KSR2: variants seen among roughly 807,000 people sequenced by gnomAD.
KSR2 encodes the protein kinase suppressor of ras 2.
KSR2 carries 25 observed loss-of-function variants against 107.8 expected under a neutral mutation model. The observed-to-expected ratio is 0.23, with a 90% CI of 0.17 to 0.32. KSR2 has a LOEUF of 0.32. Among genes scored for constraint, KSR2 ranks in the 10% least tolerant of loss-of-function variants. The pLI is 1.00. For missense variants in KSR2, 887 were observed against 1,268.9 expected, an observed-to-expected ratio of 0.70 and a Z score of 4.57; for synonymous variants, 480 against 507.0, an observed-to-expected ratio of 0.95 and a Z score of 0.71.
At chr12:117,703,841 C>T (rs1209047006) in intron 4 of KSR2, among the ~76,000 whole-genome samples, 1 of 152,132 alleles carries the variant, frequency 6.6e-6, no homozygotes, top group Non-Finnish European at 1.5e-5. Context: ...GACTGTGAGC[C>T]CTGAAATTAC....
chr12:117,725,051 C>T (rs1164524492), intron 4 of KSR2, among the ~76,000 whole-genome samples: 1 of 148,518 alleles, frequency 6.7e-6, no homozygotes, highest in Non-Finnish European at 1.5e-5. Flanking sequence ...ACTTTTTATC[C>T]CTGGCTTAAT....
rs1034988195 is a variant in KSR2 at position 117,812,768 on chromosome 12, C to T, written c.472+42660G>A. 2.7e-5 allele frequency among the ~76,000 whole-genome samples: 4 copies of T among 148,042 alleles called. No individual in the cohort carries two copies. The Admixed American group carries it at 2.7e-4, about 10-fold the overall frequency. On this transcript the variant is annotated intron_variant, in intron 3 of 19. Coordinates refer to ENST00000339824, the MANE Select transcript of KSR2 (RefSeq NM_173598.6). ...ATTCAATGCAATCTCTATTAAAATACCAATAACATTCTTCTCACATAAATA... is the reference window on the plus strand; with the variant it reads ...ATTCAATGCAATCTCTATTAAAATATCAATAACATTCTTCTCACATAAATA...
At chr12:117,769,781 C>T (rs1195852375) in intron 3 of KSR2, among the ~76,000 whole-genome samples, 4 of 152,048 alleles carry the variant, frequency 2.6e-5, no homozygotes, top group East Asian at 3.9e-4. Flanking sequence ...CTGCCAGGTG[C>T]GGTGGCTCAC....
At chr12:117,518,725 G>C (rs1592949163) in intron 14 of KSR2, among the ~76,000 whole-genome samples, 1 of 152,182 alleles carries the variant, frequency 6.6e-6, no homozygotes, top group East Asian at 1.9e-4. Context: ...GGCCTCTGCA[G>C]CCCCTTTCTA....
At chr12:117,926,154 G>A (rs373847144) in intron 1 of KSR2, among the ~76,000 whole-genome samples, 6 of 152,232 alleles carry the variant, frequency 3.9e-5, no homozygotes, top group African/African-American at 1.4e-4. Flanking sequence ...CCGAGTTCAC[G>A]CCCCTGCAAT....
intron 4 of KSR2, among the ~76,000 whole-genome samples, chr12:117,682,141 C>T (rs1327981794): frequency 6.6e-6 from 1 of 152,118 alleles, no homozygotes; most frequent in Admixed American, 6.5e-5. Context: ...AGCTGGAAGC[C>T]ATTATCCTCA....
intron 4 of KSR2, among the ~76,000 whole-genome samples, chr12:117,707,007 T>C (rs1306048211): frequency 1.3e-5 from 2 of 152,230 alleles, no homozygotes; most frequent in South Asian, 2.1e-4. Context: ...CATGTATGTA[T>C]ATATGTATGT....
At chr12:117,494,116 C>T (rs1872892482) in intron 14 of KSR2, among the ~76,000 whole-genome samples, 2 of 152,146 alleles carry the variant, frequency 1.3e-5, no homozygotes, top group Non-Finnish European at 2.9e-5. Flanking sequence ...GGATGCAGTG[C>T]CTTAGGCTGC....
chr12:117,692,535 TATATATACACATAC>T (rs1565963809), intron 4 of KSR2, among the ~76,000 whole-genome samples: 4 of 129,360 alleles, frequency 3.1e-5, no homozygotes, highest in African/African-American at 1.1e-4. Flanking sequence ...CACACACACA[TATATATACACATAC>T]ATATATATAT....
chr12:117,583,681 C>T (rs1236698801), intron 5 of KSR2, among the ~76,000 whole-genome samples: 5 of 152,134 alleles, frequency 3.3e-5, no homozygotes, highest in Non-Finnish European at 5.9e-5. Context: ...CACCAGGTCC[C>T]ACCTCCGCCC....
chr12:117,826,343 C>T (rs1192871764), intron 3 of KSR2, among the ~76,000 whole-genome samples: 1 of 152,050 alleles, frequency 6.6e-6, no homozygotes, highest in Non-Finnish European at 1.5e-5. Flanking sequence ...AGCAGTCCTG[C>T]TGTGCAGCCT....
rs565657840 is a variant in KSR2 at position 117,521,897 on chromosome 12, A to G, written c.2219+2955T>C. Among the ~76,000 whole-genome samples the G allele has an allele frequency of 9.8e-5, 15 of 152,346 alleles. 1 individual carries two copies. Among genetic ancestry groups the G allele is most frequent in the African/African-American group, 2.9e-4 (12 of 41,574 alleles). On this transcript the variant is annotated intron_variant, in intron 14 of 19. Coordinates refer to ENST00000339824, the MANE Select transcript of KSR2 (RefSeq NM_173598.6). ...CAGATAAGAAACCTGGAGAGCCAACAAGTGGACAGTGCTGAACAGAAAGAG... is the reference window on the plus strand; with the variant it reads ...CAGATAAGAAACCTGGAGAGCCAACGAGTGGACAGTGCTGAACAGAAAGAG...
At chr12:117,813,922 C>T (rs1028637756) in intron 3 of KSR2, among the ~76,000 whole-genome samples, 3 of 152,116 alleles carry the variant, frequency 2.0e-5, no homozygotes, top group Admixed American at 1.3e-4. Context: ...TATATATATA[C>T]ACAACAGAAT....
intron 3 of KSR2, among the ~76,000 whole-genome samples, chr12:117,821,338 C>T (rs7358657): frequency 0.16 from 24,862 of 152,122 alleles, 3,006 homozygotes; most frequent in African/African-American, 0.34. Flanking sequence ...AAACCAACCC[C>T]TCCTCTTCCT....
chr12:117,916,894 G>T (rs1161017973), intron 1 of KSR2, among the ~76,000 whole-genome samples: 1 of 152,176 alleles, frequency 6.6e-6, no homozygotes, highest in Non-Finnish European at 1.5e-5. Context: ...TTTAATGTTT[G>T]CAAATCTGTT....
At chr12:117,607,815 A>G (rs1389077134) in intron 5 of KSR2, among the ~76,000 whole-genome samples, 1 of 152,184 alleles carries the variant, frequency 6.6e-6, no homozygotes, top group Non-Finnish European at 1.5e-5. Context: ...CAGGTGTGAC[A>G]GGAGGGCACA....
intron 5 of KSR2, among the ~76,000 whole-genome samples, chr12:117,651,800 G>A (rs1307686928): frequency 1.3e-5 from 2 of 152,148 alleles, no homozygotes; most frequent in South Asian, 2.1e-4. Context: ...AATGTCTTAT[G>A]AAATAGATTT....
rs1870547315 is a variant in KSR2 at position 117,455,098 on chromosome 12, G to A, written c.*12101C>T. ...GTCTGTAGAGCCAGAGAGGGATGCA[G>A]AGCAGGCCTGAGGTGGCCTGAGTAC... On this transcript the variant is annotated 3_prime_UTR_variant, in exon 20 of 20. Coordinates refer to ENST00000339824, the MANE Select transcript of KSR2 (RefSeq NM_173598.6). The A allele has an allele frequency of 6.6e-6, 1 of 151,746 alleles. No individual in the cohort carries two copies. Among genetic ancestry groups the A allele is most frequent in the Non-Finnish European group, 1.5e-5 (1 of 68,114 alleles). The allele number at this position is 151,746 out of a possible 1,614,324, so 9.4% of individuals were successfully genotyped here.
At chr12:117,767,678 G>C (rs989849966) in intron 3 of KSR2, among the ~76,000 whole-genome samples, 4 of 145,288 alleles carry the variant, frequency 2.8e-5, no homozygotes, top group African/African-American at 1.0e-4. Context: ...CCAGCTACTC[G>C]GGAGGCTGAG....
Sources: gnomAD v4.1 joint callset for allele counts (sites outside exome capture counted in the v4.1 genomes callset) on GRCh38, gnomAD v4.1.1 for gene constraint, MANE v1.5 for transcripts, NCBI Gene and HGNC (gene_info 2026-07-23, HGNC 2026-07-21) for gene names.